Variants in CDH12 observed in about 807,000 individuals in gnomAD.
CDH12 encodes cadherin 12.
Under a neutral mutation model 74.1 loss-of-function variants are expected in CDH12, and 41 were observed. The observed-to-expected ratio is 0.55, with a 90% confidence interval of 0.43 to 0.72. The LOEUF (loss-of-function observed/expected upper bound fraction) is 0.72, where lower values mean the gene tolerates loss of function less well. Among genes scored for constraint, CDH12 ranks in the 30% least tolerant of loss-of-function variants. CDH12 has a pLI of 0.00. For missense variants in CDH12, 945 were observed against 977.2 expected, an observed-to-expected ratio of 0.97 and a Z score of 0.44; for synonymous variants, 399 against 355.0, an observed-to-expected ratio of 1.12 and a Z score of -1.39.
At chr5:22,040,432 T>C (rs1269926137) in intron 5 of CDH12, among the ~76,000 whole-genome samples, 1 of 152,148 alleles carries the variant, frequency 6.6e-6, no homozygotes, top group Non-Finnish European at 1.5e-5. Context: ...GGAAGACATA[T>C]GGACATCCAG....
intron 7 of CDH12, among the ~76,000 whole-genome samples, chr5:21,845,319 T>C (rs1279342347): frequency 6.6e-6 from 1 of 152,146 alleles, no homozygotes; most frequent in African/African-American, 2.4e-5. Context: ...AGAGTAAGAA[T>C]TGTGAGACTC....
intron 2 of CDH12, among the ~76,000 whole-genome samples, chr5:22,471,979 G>A (rs1342883586): frequency 2.6e-5 from 4 of 152,134 alleles, no homozygotes; most frequent in Non-Finnish European, 5.9e-5. Context: ...TAGTCAAGGA[G>A]AACAGTAAGA....
chr5:21,854,631 G>A (rs762803650), intron 7 of CDH12, 40 bp downstream of exon 7: 3 of 1,518,916 alleles, frequency 2.0e-6, no homozygotes, highest in Non-Finnish European at 2.7e-6. Context: ...TTAAATATTT[G>A]AAGGGCTGGT....
At position 22,466,776 on chromosome 5, in the gene CDH12, C is replaced by CTTTT. The variant is rs70959733; in HGVS notation, c.-428+38490_-428+38493dup. 9.1e-3 allele frequency among the ~76,000 whole-genome samples: 466 copies of CTTTT among 51,004 alleles called. 64 individuals carry two copies. The highest frequency in any genetic ancestry group is 0.016 in the East Asian group (23 of 1,462). The allele number at this position is 51,004 out of a possible 152,430, so 33.5% of individuals were successfully genotyped here. A position where few individuals can be genotyped will look rare whatever the true frequency, so the allele number is the denominator to read the frequency against. On this transcript the variant is annotated intron_variant, in intron 2 of 14. Transcript: ENST00000382254. Reference sequence around the variant, plus strand: ...AAATGAGGCATGGCTCCTCAGGAATCTTTTTTTTTTTTTTTTTTTTTTTTT... The same window carrying CTTTT: ...AAATGAGGCATGGCTCCTCAGGAATCTTTTTTTTTTTTTTTTTTTTTTTTTTTTT...
chr5:22,357,402 T>A lies in CDH12; in HGVS notation c.-333+47855A>T, dbSNP rs189277238. On this transcript the variant is annotated intron_variant, in intron 3 of 14. Coordinates refer to ENST00000382254, the MANE Select transcript of CDH12 (RefSeq NM_004061.5). ...AGGTAGTCTGCTCACAGAAAATCCT[T>A]ATCAGATGTTAACTCGGTACCCCAA... is the stretch of plus-strand genomic sequence containing the variant. Among the ~76,000 whole-genome samples, 1,035 of 152,244 alleles carry A rather than the reference T, an allele frequency of 6.8e-3. 12 individuals carry two copies. The highest frequency in any genetic ancestry group is 9.8e-3 in the Non-Finnish European group (664 of 68,006).
intron 5 of CDH12, among the ~76,000 whole-genome samples, chr5:22,077,657 G>A (rs746190623): frequency 2.0e-5 from 3 of 151,670 alleles, no homozygotes; most frequent in African/African-American, 7.3e-5. Flanking sequence ...TTTTGGTGTG[G>A]TGGACAAGTT....
chr5:22,791,992 A>G (rs1438357604), intron 1 of CDH12, among the ~76,000 whole-genome samples: 1 of 152,104 alleles, frequency 6.6e-6, no homozygotes, highest in Admixed American at 6.6e-5. Context: ...GTGAAGTGTC[A>G]GAGTTAACTG....
At chr5:22,012,142 A>AC (rs1437781373) in intron 5 of CDH12, among the ~76,000 whole-genome samples, 1 of 122,932 alleles carries the variant, frequency 8.1e-6, no homozygotes, top group African/African-American at 4.9e-5. Context: ...AACTAGAGAT[A>AC]TAGAATATAT....
chr5:21,966,348 T>C (rs1232429627), intron 6 of CDH12, among the ~76,000 whole-genome samples: 1 of 152,104 alleles, frequency 6.6e-6, no homozygotes, highest in African/African-American at 2.4e-5. Flanking sequence ...GCAGGCCATA[T>C]GGTCTCTGTT....
chr5:22,627,644 G>A (rs528916089), intron 1 of CDH12, among the ~76,000 whole-genome samples: 7 of 152,028 alleles, frequency 4.6e-5, no homozygotes, highest in Non-Finnish European at 7.4e-5. Context: ...ACTTAAGTAC[G>A]TAGACCATTG....
intron 6 of CDH12, among the ~76,000 whole-genome samples, chr5:21,955,891 T>C (rs1756072134): frequency 6.6e-6 from 1 of 152,030 alleles, no homozygotes; most frequent in South Asian, 2.1e-4. Context: ...GAATGCTTTA[T>C]AAAAATACCC....
intron 3 of CDH12, among the ~76,000 whole-genome samples, chr5:22,245,838 C>A (rs1270036187): frequency 2.0e-5 from 3 of 151,974 alleles, no homozygotes; most frequent in African/African-American, 4.8e-5. Context: ...TAGCTCCACA[C>A]CAGAGAAATT....
At chr5:22,114,496 G>C (rs907389199) in intron 4 of CDH12, among the ~76,000 whole-genome samples, 1 of 152,072 alleles carries the variant, frequency 6.6e-6, no homozygotes, top group Non-Finnish European at 1.5e-5. Flanking sequence ...AAGAAAATGA[G>C]TATAAAGGGG....
At chr5:21,803,068 T>C (rs1747227349) in intron 9 of CDH12, among the ~76,000 whole-genome samples, 1 of 152,218 alleles carries the variant, frequency 6.6e-6, no homozygotes, top group East Asian at 1.9e-4. Context: ...TTCTCTGCTC[T>C]TATCCAATAC....
chr5:22,522,476 C>G (rs1737096021), intron 1 of CDH12, among the ~76,000 whole-genome samples: 1 of 152,104 alleles, frequency 6.6e-6, no homozygotes, highest in African/African-American at 2.4e-5. Flanking sequence ...ACTGAAAATT[C>G]CACTGAACAT....
At chr5:22,786,843 C>A (rs1470463486) in intron 1 of CDH12, among the ~76,000 whole-genome samples, 1 of 151,872 alleles carries the variant, frequency 6.6e-6, no homozygotes, top group East Asian at 1.9e-4. Flanking sequence ...CTCAGCCTCC[C>A]AAGTAGCTGG....
intron 1 of CDH12, among the ~76,000 whole-genome samples, chr5:22,560,125 T>A (rs1738975681): frequency 6.6e-6 from 1 of 152,174 alleles, no homozygotes; most frequent in Admixed American, 6.5e-5. Context: ...GATGAAGATG[T>A]CTTTAAAATG....
intron 8 of CDH12, among the ~76,000 whole-genome samples, chr5:21,827,081 C>A (rs1168205328): frequency 1.3e-5 from 2 of 152,022 alleles, no homozygotes; most frequent in Non-Finnish European, 2.9e-5. Context: ...TACTATCAGT[C>A]TACAAATGAG....
chr5:21,872,894 C>CATCCATCTATCATCTATCTATCT (rs142549636), intron 6 of CDH12, among the ~76,000 whole-genome samples: 5 of 146,750 alleles, frequency 3.4e-5, no homozygotes, highest in Admixed American at 6.9e-5. Flanking sequence ...ACCTATCATC[C>CATCCATCTATCATCTATCTATCT]ATCTATCTAT....
Sources: gnomAD v4.1 joint callset for allele counts (sites outside exome capture counted in the v4.1 genomes callset) on GRCh38, gnomAD v4.1.1 for gene constraint, MANE v1.5 for transcripts, NCBI Gene and HGNC (gene_info 2026-07-23, HGNC 2026-07-21) for gene names.